The following GALNTL6 variants were observed in gnomAD, a reference collection of about 807,000 sequenced individuals.
GALNTL6 encodes the protein polypeptide N-acetylgalactosaminyltransferase-like 6.
A neutral mutation model predicts 73.7 loss-of-function variants in GALNTL6; 46 were observed. The ratio of observed to expected loss-of-function variants is 0.62; its 90% confidence interval spans 0.49 to 0.80. The LOEUF (loss-of-function observed/expected upper bound fraction) is 0.80, where lower values mean the gene tolerates loss of function less well. Among genes scored for constraint, GALNTL6 ranks in the 30% least tolerant of loss-of-function variants. The pLI is 0.00. For missense variants in GALNTL6, 604 were observed against 755.0 expected, an observed-to-expected ratio of 0.80 and a Z score of 2.34; for synonymous variants, 259 against 263.7, an observed-to-expected ratio of 0.98 and a Z score of 0.17.
At chr4:172,512,435 A>C (rs1385025395) in intron 5 of GALNTL6, among the ~76,000 whole-genome samples, 6 of 152,200 alleles carry the variant, frequency 3.9e-5, no homozygotes, top group African/African-American at 1.4e-4. Context: ...GGCCATTTAC[A>C]TTCAGCTGTA....
chr4:172,199,468 A>C (rs1239284565), intron 2 of GALNTL6, among the ~76,000 whole-genome samples: 1 of 152,198 alleles, frequency 6.6e-6, no homozygotes, highest in Admixed American at 6.5e-5. Flanking sequence ...TGTTTTAGAT[A>C]ATTCTCTCAC....
At chr4:172,995,176 T>G (rs1479759364) in intron 10 of GALNTL6, among the ~76,000 whole-genome samples, 1 of 152,202 alleles carries the variant, frequency 6.6e-6, no homozygotes, top group Admixed American at 6.5e-5. Flanking sequence ...GAAGTGTTTA[T>G]ATTCATAAAA....
intron 3 of GALNTL6, among the ~76,000 whole-genome samples, chr4:172,254,038 G>A (rs370566540): frequency 2.6e-5 from 4 of 151,872 alleles, no homozygotes; most frequent in African/African-American, 7.2e-5. Context: ...ACCCAAAGAA[G>A]GTCAGCAAGT....
intron 7 of GALNTL6, among the ~76,000 whole-genome samples, chr4:172,835,854 C>T (rs183091550): frequency 2.6e-5 from 4 of 152,276 alleles, no homozygotes; most frequent in Admixed American, 6.5e-5. Flanking sequence ...TACATTACTG[C>T]GGTTTGAACA....
Position 172,680,143 on chromosome 4 carries a change from T to C in GALNTL6, c.554-129218T>C, listed in dbSNP as rs181619493. 7.9e-5 allele frequency among the ~76,000 whole-genome samples: 12 copies of C among 152,328 alleles called. No individual in the cohort carries two copies. In the East Asian group the frequency reaches 1.7e-3, roughly 22 times the overall value. On this transcript the variant is annotated intron_variant, in intron 5 of 12. Coordinates refer to ENST00000506823, the MANE Select transcript of GALNTL6 (RefSeq NM_001034845.3). The stretch of plus-strand genomic sequence containing the variant: ...GTAACAATAATAGTGGCAAATATTT[T>C]TGAGCCAGAATCAGGACTGAGTTTT...
intron 2 of GALNTL6, among the ~76,000 whole-genome samples, chr4:171,967,804 C>T (rs914106751): frequency 6.6e-6 from 1 of 152,156 alleles, no homozygotes; most frequent in African/African-American, 2.4e-5. Flanking sequence ...CTTGAGTACT[C>T]TGAACAAATA....
In GALNTL6 at chr4:172,395,397, T is replaced by G. The variant is rs144959757; in HGVS notation, c.553+46708T>G. 4.4e-3 allele frequency among the ~76,000 whole-genome samples: 669 copies of G among 152,320 alleles called. 6 individuals are homozygous for G. The highest frequency in any genetic ancestry group is 0.015 in the African/African-American group (642 of 41,568). On this transcript the variant is annotated intron_variant, in intron 5 of 12. Coordinates refer to ENST00000506823, the MANE Select transcript of GALNTL6 (RefSeq NM_001034845.3). ...AAGTTGTAAATCTCTGCTTTTTGTA[T>G]GTTTTCATTTTTTATTTTAATCAGA...
intron 2 of GALNTL6, among the ~76,000 whole-genome samples, chr4:171,955,768 T>C (rs1417154181): frequency 8.3e-6 from 1 of 120,738 alleles, no homozygotes; most frequent in African/African-American, 2.5e-5. Flanking sequence ...TGTATACGTG[T>C]GTGTATATAT....
intron 2 of GALNTL6, among the ~76,000 whole-genome samples, chr4:172,202,515 A>G (rs1252799783): frequency 2.0e-5 from 3 of 152,222 alleles, no homozygotes; most frequent in African/African-American, 4.8e-5. Flanking sequence ...ATTGACATAC[A>G]TACTTACATA....
At chr4:172,810,070 G>T (rs1476437119) in intron 6 of GALNTL6, among the ~76,000 whole-genome samples, 1 of 152,026 alleles carries the variant, frequency 6.6e-6, no homozygotes. Flanking sequence ...TTTCTTTTCT[G>T]TTATTCTCTC....
At chr4:172,379,549 A>C (rs931318362) in intron 5 of GALNTL6, among the ~76,000 whole-genome samples, 2 of 150,226 alleles carry the variant, frequency 1.3e-5, no homozygotes, top group African/African-American at 4.9e-5. Context: ...AAAAAAAAAA[A>C]AAAAAAAAGA....
chr4:171,886,229 A>C (rs991538213), intron 2 of GALNTL6, among the ~76,000 whole-genome samples: 25 of 152,276 alleles, frequency 1.6e-4, no homozygotes, highest in Middle Eastern at 3.4e-3. Context: ...AGGCAAACTC[A>C]AAAAAAGCAT....
At chr4:172,290,625 T>C (rs1274101540) in intron 3 of GALNTL6, among the ~76,000 whole-genome samples, 1 of 152,062 alleles carries the variant, frequency 6.6e-6, no homozygotes, top group Non-Finnish European at 1.5e-5. Flanking sequence ...TTTAAAGTAC[T>C]AGAGCTTCAG....
intron 8 of GALNTL6, among the ~76,000 whole-genome samples, chr4:172,928,107 A>G (rs1748151983): frequency 6.6e-6 from 1 of 152,244 alleles, no homozygotes; most frequent in African/African-American, 2.4e-5. Context: ...CAGTTTTGGT[A>G]AGCAAGGTTT....
intron 2 of GALNTL6, among the ~76,000 whole-genome samples, chr4:172,139,460 G>A (rs1733748083): frequency 6.6e-6 from 1 of 152,122 alleles, no homozygotes. Context: ...AGTCAGTTAG[G>A]GAGAGAATTA....
At chr4:172,163,208 A>C (rs1173887336) in intron 2 of GALNTL6, among the ~76,000 whole-genome samples, 2 of 152,062 alleles carry the variant, frequency 1.3e-5, no homozygotes, top group African/African-American at 4.8e-5. Flanking sequence ...AATGTTTCTC[A>C]AAATTTCTTA....
At chr4:172,102,271 G>C (rs543150834) in intron 2 of GALNTL6, among the ~76,000 whole-genome samples, 5 of 152,246 alleles carry the variant, frequency 3.3e-5, no homozygotes, top group Middle Eastern at 3.4e-3. Context: ...TGCTACAGAC[G>C]CTTATTAACT....
chr4:172,985,129 A>G (rs919737207), intron 10 of GALNTL6, among the ~76,000 whole-genome samples: 2 of 152,128 alleles, frequency 1.3e-5, no homozygotes, highest in African/African-American at 2.4e-5. Context: ...CCATGACCCA[A>G]TTCCAGCAAT....
chr4:172,239,119 T>G (rs1287139791), intron 3 of GALNTL6, among the ~76,000 whole-genome samples: 2 of 152,202 alleles, frequency 1.3e-5, no homozygotes, highest in Non-Finnish European at 2.9e-5. Context: ...TCTTATAGAA[T>G]GAGTTAGGGA....
Sources: allele counts gnomAD v4.1 joint callset (sites outside exome capture counted in the v4.1 genomes callset), GRCh38; gene constraint gnomAD v4.1.1; transcripts MANE v1.5; gene names NCBI Gene and HGNC (gene_info 2026-07-23, HGNC 2026-07-21).